The following KCNH8 variants were observed in gnomAD, a reference collection of about 807,000 sequenced individuals.
The protein encoded by KCNH8 is voltage-gated delayed rectifier potassium channel KCNH8.
KCNH8 carries 70 observed loss-of-function variants against 103.6 expected under a neutral mutation model. The ratio of observed to expected loss-of-function variants is 0.68; its 90% CI spans 0.56 to 0.82. The LOEUF (loss-of-function observed/expected upper bound fraction) is 0.82. KCNH8 is among the 40% of genes least tolerant of loss of function. The pLI, the probability that KCNH8 is intolerant of heterozygous loss-of-function variation, is 0.00. For synonymous variants in KCNH8, 498 were observed against 489.4 expected, an observed-to-expected ratio of 1.02 and a Z score of -0.23; for missense variants, 1,217 against 1,329.9, an observed-to-expected ratio of 0.92 and a Z score of 1.32.
intron 2 of KCNH8, among the ~76,000 whole-genome samples, chr3:19,262,797 A>G (rs1194070744): frequency 6.6e-6 from 1 of 152,084 alleles, no homozygotes; most frequent in African/African-American, 2.4e-5. Flanking sequence ...ATCAAGAGCT[A>G]GTGAAACCAG....
At chr3:19,185,469 T>C (rs2063492935) in intron 1 of KCNH8, among the ~76,000 whole-genome samples, 1 of 151,908 alleles carries the variant, frequency 6.6e-6, no homozygotes, top group African/African-American at 2.4e-5. Flanking sequence ...AACTGGATGA[T>C]GATGATGATT....
At chr3:19,339,387 C>T (rs928792650) in intron 3 of KCNH8, among the ~76,000 whole-genome samples, 3 of 152,048 alleles carry the variant, frequency 2.0e-5, no homozygotes, top group African/African-American at 4.8e-5. Context: ...GCCATACCTA[C>T]GAAATTTCTG....
intron 11 of KCNH8, among the ~76,000 whole-genome samples, chr3:19,471,650 G>A (rs1482501362): frequency 1.3e-5 from 2 of 152,186 alleles, no homozygotes; most frequent in African/African-American, 4.8e-5. Context: ...TAGATAAGGA[G>A]ACTAATTAAG....
At chr3:19,502,816 T>C (rs1301555383) in intron 11 of KCNH8, among the ~76,000 whole-genome samples, 1 of 149,444 alleles carries the variant, frequency 6.7e-6, no homozygotes, top group Admixed American at 6.7e-5. Context: ...CCTAAAACCA[T>C]AAAAACCCTA....
chr3:19,500,249 A>C (rs1446000823), intron 11 of KCNH8, among the ~76,000 whole-genome samples: 5 of 152,300 alleles, frequency 3.3e-5, no homozygotes, highest in Non-Finnish European at 7.3e-5. Context: ...TCCTAAATAT[A>C]TATGCACCCA....
intron 8 of KCNH8, among the ~76,000 whole-genome samples, chr3:19,449,642 T>A (rs2067414223): frequency 6.6e-6 from 1 of 152,064 alleles, no homozygotes; most frequent in Non-Finnish European, 1.5e-5. Context: ...ATAGACTTAT[T>A]TCAAAAATTT....
intron 5 of KCNH8, among the ~76,000 whole-genome samples, chr3:19,356,596 A>G (rs1368833582): frequency 6.6e-6 from 1 of 151,970 alleles, no homozygotes; most frequent in Non-Finnish European, 1.5e-5. Context: ...AAATCATCCT[A>G]TTTAATTAAG....
chr3:19,455,429 T>C lies in KCNH8; in HGVS notation c.1826-1339T>C, dbSNP rs185620498. 3.9e-5 allele frequency among the ~76,000 whole-genome samples: 6 copies of C among 152,230 alleles called. No homozygotes were observed. The East Asian group carries it at 1.2e-3, about 29-fold the overall frequency. ...GTTTTTCAATGAAAGAGTAACTGAT[T>C]AGCAAAGATCAATAGTATAATGCTG... On this transcript the variant is annotated intron_variant, in intron 10 of 15. Transcript: ENST00000328405.
intron 7 of KCNH8, among the ~76,000 whole-genome samples, chr3:19,412,349 A>C (rs2066793594): frequency 6.6e-6 from 1 of 152,136 alleles, no homozygotes; most frequent in African/African-American, 2.4e-5. Context: ...CATATGCAGA[A>C]GAATGAAACT....
intron 11 of KCNH8, among the ~76,000 whole-genome samples, chr3:19,493,159 T>C (rs1167970685): frequency 1.2e-4 from 19 of 152,168 alleles, no homozygotes; most frequent in Non-Finnish European, 2.8e-4. Flanking sequence ...TATACAATAA[T>C]ATCACAAAGA....
At chr3:19,209,470 G>T (rs139619787) in intron 1 of KCNH8, among the ~76,000 whole-genome samples, 1 of 152,052 alleles carries the variant, frequency 6.6e-6, no homozygotes, top group Non-Finnish European at 1.5e-5. Context: ...AATGAAGTAG[G>T]TTCTTCTAAA....
intron 11 of KCNH8, among the ~76,000 whole-genome samples, chr3:19,490,953 C>G (rs571369416): frequency 6.6e-6 from 1 of 152,256 alleles, no homozygotes; most frequent in Non-Finnish European, 1.5e-5. Context: ...AGCAGACAGT[C>G]TGTGGTCACT....
chr3:19,389,335 C>T (rs2066401636), intron 5 of KCNH8, among the ~76,000 whole-genome samples: 1 of 152,126 alleles, frequency 6.6e-6, no homozygotes. Flanking sequence ...CTGTTGGAAA[C>T]TCACACGGAT....
chr3:19,246,927 T>C (rs1320063543), intron 1 of KCNH8, among the ~76,000 whole-genome samples: 1 of 152,196 alleles, frequency 6.6e-6, no homozygotes, highest in Non-Finnish European at 1.5e-5. Context: ...TGTTTGTTTG[T>C]TTATTGGACT....
At chr3:19,495,982 T>A (rs1433623367) in intron 11 of KCNH8, among the ~76,000 whole-genome samples, 1 of 151,442 alleles carries the variant, frequency 6.6e-6, no homozygotes, top group East Asian at 2.1e-4. Context: ...GATTACATTC[T>A]TGATTTGGCT....
At chr3:19,429,725 C>T (rs2067091134) in intron 7 of KCNH8, among the ~76,000 whole-genome samples, 1 of 152,188 alleles carries the variant, frequency 6.6e-6, no homozygotes, top group Non-Finnish European at 1.5e-5. Context: ...TCTCCCTCCT[C>T]CTACCCTCTG....
At chr3:19,447,359 A>G (rs745723139) in intron 8 of KCNH8, among the ~76,000 whole-genome samples, 2 of 152,040 alleles carry the variant, frequency 1.3e-5, no homozygotes, top group Non-Finnish European at 1.5e-5. Flanking sequence ...TTTCAACAAC[A>G]CTTATGAATG....
intron 11 of KCNH8, among the ~76,000 whole-genome samples, chr3:19,496,785 C>T (rs192086061): frequency 1.5e-3 from 235 of 152,266 alleles, no homozygotes; most frequent in Middle Eastern, 6.8e-3. Flanking sequence ...TTTCTTTATA[C>T]ATCTGGCAGA....
intron 3 of KCNH8, among the ~76,000 whole-genome samples, chr3:19,311,407 T>C (rs2065206079): frequency 6.6e-6 from 1 of 151,756 alleles, no homozygotes; most frequent in Admixed American, 6.6e-5. Flanking sequence ...TACAGCCCGG[T>C]TGCAGAGCTA....
Sources: gnomAD v4.1 joint callset for allele counts (sites outside exome capture counted in the v4.1 genomes callset) on GRCh38, gnomAD v4.1.1 for gene constraint, MANE v1.5 for transcripts, NCBI Gene and HGNC (gene_info 2026-07-23, HGNC 2026-07-21) for gene names.